CFAP47: variants seen among roughly 807,000 people sequenced by gnomAD.
CFAP47 encodes cilia- and flagella-associated protein 47.
In CFAP47, 29 loss-of-function variants were observed where a neutral mutation model predicts 148.1. The ratio of observed to expected loss-of-function variants is 0.20; its 90% confidence interval spans 0.15 to 0.27. CFAP47 has a LOEUF of 0.27. CFAP47 is among the 10% of genes least tolerant of loss of function. The probability of loss-of-function intolerance (pLI) is 1.00; values close to 1 mark genes in which losing one functional copy is unlikely to be tolerated. For missense variants in CFAP47, 1,872 were observed against 1,697.5 expected (o/e 1.10, Z -1.81); for synonymous variants, 664 against 577.3 (o/e 1.15, Z -2.15).
chrX:35,971,904 A>G lies in CFAP47; in HGVS notation c.2193A>G (p.Pro731=). ...LKGLKSEPST[P]QEKHDCSLML... ...GACTTAAATCAGAACCATCCACTCC[A>G]CAAGAAAAACATGATTGCAGCTTAA... Residue 731 remains proline (P), a synonymous_variant, in exon 13 of 64, where the codon CCA becomes CCG. Coordinates refer to ENST00000378653, the MANE Select transcript of CFAP47 (RefSeq NM_001304548.2). 8.3e-7 allele frequency: 1 copy of G among 1,201,835 alleles called. No individual in the cohort carries two copies. Among genetic ancestry groups the G allele is most frequent in the East Asian group, 3.0e-5 (1 of 33,511 alleles).
chrX:36,369,516 A>G lies in CFAP47; in HGVS notation c.9185+2389A>G, dbSNP rs1046431405. The stretch of plus-strand genomic sequence containing the variant: ...TGCTTCTAATGTGCAGATTTGAGAT[A>G]TATTTTAATAACATAGGGTCACTCC... On this transcript the variant is annotated intron_variant, in intron 62 of 63. Transcript: ENST00000378653. Among the ~76,000 whole-genome samples, 11 of 111,111 alleles carry G rather than the reference A, an allele frequency of 9.9e-5. No homozygotes were observed. In the Admixed American group the frequency reaches 1.1e-3, roughly 11 times the overall value.
chrX:36,105,501 G>C (rs1235620385), intron 33 of CFAP47, among the ~76,000 whole-genome samples: 10 of 111,962 alleles, frequency 8.9e-5, no homozygotes. Context: ...GTTTAAAAAT[G>C]AGACTTTGAA....
At chrX:36,168,132 T>G (rs1435113280) in intron 39 of CFAP47, among the ~76,000 whole-genome samples, 5 of 111,966 alleles carry the variant, frequency 4.5e-5, no homozygotes, top group Admixed American at 9.5e-5. Flanking sequence ...TTTACCCATC[T>G]TGTCAATCTT....
intron 44 of CFAP47, among the ~76,000 whole-genome samples, chrX:36,204,660 T>A (rs1555988597): frequency 9.0e-6 from 1 of 111,630 alleles, no homozygotes; most frequent in Non-Finnish European, 1.9e-5. Context: ...AGAAAAGCAC[T>A]TTCTCAAATG....
intron 52 of CFAP47, 40 bp from the exon 53 acceptor site, chrX:36,301,032 T>G: frequency 1.1e-6 from 1 of 870,316 alleles, no homozygotes; most frequent in Admixed American, 2.7e-5. Context: ...TTACACAAAC[T>G]AAAACTGCTG....
chrX:36,005,104 G>A (rs1223046824), intron 21 of CFAP47, among the ~76,000 whole-genome samples: 1 of 110,321 alleles, frequency 9.1e-6, no homozygotes, highest in Non-Finnish European at 1.9e-5. Context: ...ATCTTGGTCA[G>A]CATATCTAAA....
At chrX:36,016,021 C>T (rs1166894203) in intron 22 of CFAP47, among the ~76,000 whole-genome samples, 2 of 109,199 alleles carry the variant, frequency 1.8e-5, no homozygotes, top group Admixed American at 2.0e-4. Context: ...TTTTTGGGGG[C>T]ACATAGTAGG....
chrX:36,191,343 G>C (rs1284078784), intron 42 of CFAP47, among the ~76,000 whole-genome samples: 1 of 111,329 alleles, frequency 9.0e-6, no homozygotes, highest in Non-Finnish European at 1.9e-5. Flanking sequence ...CTTTGACTTA[G>C]TATATTGGAA....
At position 36,165,831 on chromosome X, in the gene CFAP47, C is replaced by T. The variant is rs996479310; in HGVS notation, c.6026+5062C>T. ...TGTCTTTTTTCTGTGAATGTATATC[C>T]CTGATATCTCTTTGTGTTTTCAAAT... On this transcript the variant is annotated intron_variant, in intron 39 of 63. Transcript: ENST00000378653. Among the ~76,000 whole-genome samples, 9 of 110,886 alleles carry T rather than the reference C, an allele frequency of 8.1e-5. No homozygotes were observed. The East Asian group carries it at 2.6e-3, about 32-fold the overall frequency.
intron 48 of CFAP47, among the ~76,000 whole-genome samples, chrX:36,246,765 G>C (rs1277778123): frequency 9.0e-6 from 1 of 111,543 alleles, no homozygotes; most frequent in African/African-American, 3.3e-5. Flanking sequence ...TTATTAAAAA[G>C]TCAAATAATA....
intron 43 of CFAP47, 88 bp from the exon 44 acceptor site, chrX:36,201,186 A>G (rs931903776): frequency 1.0e-5 from 3 of 294,452 alleles, no homozygotes; most frequent in Middle Eastern, 1.8e-3. Context: ...GCAATTTTAT[A>G]TTTCAAACCT....
chrX:35,944,086 C>G (rs1405258414), intron 3 of CFAP47, among the ~76,000 whole-genome samples: 1 of 111,065 alleles, frequency 9.0e-6, no homozygotes, highest in African/African-American at 3.3e-5. Context: ...TTCATTTGCT[C>G]TTAAGGCCCA....
In CFAP47 at chrX:36,363,297, C is replaced by T. The variant is rs1214103628; in HGVS notation, c.9023+1796C>T. On this transcript the variant is annotated intron_variant, in intron 61 of 63. Transcript: ENST00000378653. ...TCCATCATTGTAGAGTGCATTTACA[C>T]AAACCTAGATGGTATAGCCTACTGC... 2.7e-5 allele frequency among the ~76,000 whole-genome samples: 3 copies of T among 111,298 alleles called. No individual in the cohort carries two copies. The East Asian group carries it at 8.5e-4, about 31-fold the overall frequency.
intron 25 of CFAP47, among the ~76,000 whole-genome samples, chrX:36,042,653 G>T (rs182374521): frequency 9.0e-6 from 1 of 110,760 alleles, no homozygotes; most frequent in African/African-American, 3.3e-5. Context: ...AGTTAAATAC[G>T]CCTGTATTCA....
intron 51 of CFAP47, among the ~76,000 whole-genome samples, chrX:36,289,515 A>T: frequency 9.0e-6 from 1 of 111,327 alleles, no homozygotes; most frequent in Non-Finnish European, 1.9e-5. Flanking sequence ...TTAAATACAA[A>T]AAATGAAGAT....
intron 30 of CFAP47, among the ~76,000 whole-genome samples, chrX:36,086,084 T>C (rs1226597192): frequency 8.9e-6 from 1 of 111,917 alleles, no homozygotes; most frequent in Non-Finnish European, 1.9e-5. Flanking sequence ...TTAGTCTGCA[T>C]AGATAAATTA....
At chrX:36,184,372 A>G (rs1432239967) in intron 40 of CFAP47, among the ~76,000 whole-genome samples, 2 of 111,413 alleles carry the variant, frequency 1.8e-5, no homozygotes, top group African/African-American at 3.3e-5. Flanking sequence ...GGGGCATGCA[A>G]GGGGAAATAA....
At chrX:36,380,155 T>C (rs1942064948) in intron 63 of CFAP47, among the ~76,000 whole-genome samples, 1 of 112,140 alleles carries the variant, frequency 8.9e-6, no homozygotes, top group African/African-American at 3.2e-5. Context: ...TCTAAAAAGG[T>C]ATCTATTACC....
intron 37 of CFAP47, among the ~76,000 whole-genome samples, chrX:36,152,470 A>T (rs778638057): frequency 9.0e-6 from 1 of 111,706 alleles, no homozygotes; most frequent in East Asian, 2.8e-4. Flanking sequence ...TACAGGACCC[A>T]GCAGCATTTC....
Sources: allele counts gnomAD v4.1 joint callset (sites outside exome capture counted in the v4.1 genomes callset), GRCh38; gene constraint gnomAD v4.1.1; transcripts MANE v1.5; gene names NCBI Gene and HGNC (gene_info 2026-07-23, HGNC 2026-07-21).